Variants in NTNG2 observed in about 807,000 individuals in gnomAD.
NTNG2 encodes the protein netrin G2.
Under a neutral mutation model 47.6 loss-of-function variants are expected in NTNG2, and 15 were observed. The observed-to-expected ratio is 0.32, with a 90% CI of 0.21 to 0.49. NTNG2 has a LOEUF of 0.49. Among genes scored for constraint, NTNG2 ranks in the 20% least tolerant of loss-of-function variants. The pLI is 0.99. For synonymous variants in NTNG2, 307 were observed against 324.6 expected (o/e 0.95, Z 0.58); for missense variants, 578 against 764.6 (o/e 0.76, Z 2.88).
chr9:132,212,940 A>G (rs1315684642), intron 3 of NTNG2, among the ~76,000 whole-genome samples: 8 of 151,996 alleles, frequency 5.3e-5, no homozygotes, highest in Non-Finnish European at 1.0e-4. Flanking sequence ...AACCCCCCAA[A>G]GAAGACCAAG....
chr9:132,216,402 CTCTCTCTCTCTCTGTGTGTGTGTGTA>C (rs1340163556), intron 3 of NTNG2, among the ~76,000 whole-genome samples: 1 of 94,076 alleles, frequency 1.1e-5, no homozygotes, highest in African/African-American at 6.1e-5. Context: ...CTCTCTCTCT[CTCTCTCTCTCTCTGTGTGTGTGTGTA>C]TGTGTGTGTG....
rs577846884 is a variant in NTNG2 at position 132,242,278 on chromosome 9, C to A, written c.*167C>A. 40 of 202,744 alleles carry A rather than the reference C, an allele frequency of 2.0e-4. No individual in the cohort carries two copies. Among genetic ancestry groups the A allele is most frequent in the East Asian group, 1.4e-4 (1 of 6,988 alleles). The allele number at this position is 202,744 out of a possible 1,614,324, so 12.6% of individuals were successfully genotyped here. A position where few individuals can be genotyped will look rare whatever the true frequency, so the allele number is the denominator to read the frequency against. ...CCCGCGCTCCCGCCCGCACTGCCCT[C>A]CCCCCGCAGCAGGGGCGCCTTGGGA... On this transcript the variant is annotated 3_prime_UTR_variant, in exon 8 of 8. Coordinates refer to ENST00000393229, the MANE Select transcript of NTNG2 (RefSeq NM_032536.4). The surrounding 1 kb of genome is among the most constrained non-coding windows in gnomAD (Gnocchi z 5.9).
Position 132,198,157 on chromosome 9 carries a change from C to T in NTNG2, c.405C>T (p.Asp135=), listed in dbSNP as rs1564408290. ...LSWNKTVELT[D]DVVMTFEYGR... ...GGAACAAGACCGTGGAGCTGACCGA[C>T]GACGTGGTGATGACCTTCGAGTACG... The change falls in exon 3 of 8, where the codon GAC becomes GAT. Residue 135 remains aspartate, a synonymous_variant. Transcript: ENST00000393229. 3 of 1,613,708 alleles carry T rather than the reference C, an allele frequency of 1.9e-6. No individual in the cohort carries two copies. The highest frequency in any genetic ancestry group is 2.5e-6 in the Non-Finnish European group (3 of 1,180,018).
chr9:132,185,051 T>G (rs929373460), intron 2 of NTNG2, among the ~76,000 whole-genome samples: 26 of 151,536 alleles, frequency 1.7e-4, no homozygotes, highest in Non-Finnish European at 2.9e-4. Context: ...GGGAAGGGTG[T>G]CTGGCTGCAG....
Position 132,166,474 on chromosome 9 carries a change from A to G in NTNG2, c.-358A>G, listed in dbSNP as rs1366870901. 3 of 319,538 alleles carry G rather than the reference A, an allele frequency of 9.4e-6. No homozygotes were observed. The highest frequency in any genetic ancestry group is 6.3e-5 in the African/African-American group (3 of 47,442). The allele number at this position is 319,538 out of a possible 1,614,324, so 19.8% of individuals were successfully genotyped here. ...CCAGCCTCATGCAGGATCCCTGCGG[A>G]TTTTCTCCTTATCCCATTTCCATCC... On this transcript the variant is annotated 5_prime_UTR_variant, in exon 2 of 8. Coordinates refer to ENST00000393229, the MANE Select transcript of NTNG2 (RefSeq NM_032536.4).
intron 3 of NTNG2, among the ~76,000 whole-genome samples, chr9:132,205,552 G>A (rs1317184183): frequency 6.6e-6 from 1 of 152,208 alleles, no homozygotes; most frequent in Non-Finnish European, 1.5e-5. Flanking sequence ...GCACAGCACT[G>A]TGGATGTGCT....
At chr9:132,171,461 T>C (rs940180111) in intron 2 of NTNG2, among the ~76,000 whole-genome samples, 2 of 152,192 alleles carry the variant, frequency 1.3e-5, no homozygotes, top group African/African-American at 4.8e-5. Context: ...TACATTGACA[T>C]GGGTGAACAT....
chr9:132,222,610 G>A (rs12352564), intron 3 of NTNG2, among the ~76,000 whole-genome samples: 18,658 of 152,124 alleles, frequency 0.12, 1,248 homozygotes, highest in Middle Eastern at 0.22. Flanking sequence ...TTCCAGAGAC[G>A]TCCTTCGTCC....
Position 132,162,582 on chromosome 9 carries a change from G to GTGTT in NTNG2, c.-484+346_-484+347insTTGT, listed in dbSNP as rs1835143323. ...AGAGAGAGACAGAGTGTGTGTGTGT[G>GTGTT]TGTGTGTGTGTGTGTGTGTGTGTGT... is the stretch of plus-strand genomic sequence containing the variant. On this transcript the variant is annotated intron_variant, in intron 1 of 7. Transcript: ENST00000393229. The surrounding 1 kb of genome is among the most constrained non-coding windows in gnomAD (Gnocchi z 4.6). Among the ~76,000 whole-genome samples, 1 of 102,574 alleles carries GTGTT rather than the reference G, an allele frequency of 9.7e-6. No individual in the cohort carries two copies. Among genetic ancestry groups the GTGTT allele is most frequent in the Non-Finnish European group, 2.2e-5 (1 of 45,726 alleles). 67.3% of individuals were successfully genotyped at this position (102,574 alleles called of 152,430 possible).
intron 2 of NTNG2, among the ~76,000 whole-genome samples, chr9:132,176,340 T>C (rs1240854786): frequency 6.6e-6 from 1 of 152,216 alleles, no homozygotes; most frequent in African/African-American, 2.4e-5. Flanking sequence ...CACCCGTTAG[T>C]TACTCCCCAT....
rs548035391 is a variant in NTNG2 at position 132,208,432 on chromosome 9, G to A, written c.857+9823G>A. Among the ~76,000 whole-genome samples, 4 of 152,164 alleles carry A rather than the reference G, an allele frequency of 2.6e-5. No homozygotes were observed. Among genetic ancestry groups the A allele is most frequent in the Admixed American group, 1.3e-4 (2 of 15,272 alleles). On this transcript the variant is annotated intron_variant, in intron 3 of 7. Coordinates refer to ENST00000393229, the MANE Select transcript of NTNG2 (RefSeq NM_032536.4). The surrounding 1 kb of genome is among the most constrained non-coding windows in gnomAD (Gnocchi z 4.0). ...AGGGGAGAGGTGTGATCTGATTTCCGGTGTTTGGAAATCTGAGTTGGGGGT... is the reference window on the plus strand; with the variant it reads ...AGGGGAGAGGTGTGATCTGATTTCCAGTGTTTGGAAATCTGAGTTGGGGGT...
At position 132,215,059 on chromosome 9, in the gene NTNG2, T is replaced by A. The variant is rs7026823; in HGVS notation, c.858-11790T>A. Among the ~76,000 whole-genome samples, 75,244 of 145,702 alleles carry A rather than the reference T, an allele frequency of 0.52. 19,318 individuals are homozygous for A. The highest frequency in any genetic ancestry group is 0.57 in the South Asian group (2,604 of 4,534). Reference sequence around the variant, plus strand: ...GCCCTGATAAATTTTGTGTTTTTTTTAATTTTTTTGTAGAGATTGGGGGGG... The same window carrying A: ...GCCCTGATAAATTTTGTGTTTTTTTAAATTTTTTTGTAGAGATTGGGGGGG... On this transcript the variant is annotated intron_variant, in intron 3 of 7. Coordinates refer to ENST00000393229, the MANE Select transcript of NTNG2 (RefSeq NM_032536.4). The surrounding 1 kb of genome is among the most constrained non-coding windows in gnomAD (Gnocchi z 4.2).
intron 2 of NTNG2, among the ~76,000 whole-genome samples, chr9:132,175,512 T>G (rs531212011): frequency 1.3e-5 from 2 of 152,200 alleles, no homozygotes; most frequent in South Asian, 4.1e-4. Context: ...TGGCCAGCAC[T>G]GATGCAGGGC....
chr9:132,217,806 C>T (rs900626319), intron 3 of NTNG2, among the ~76,000 whole-genome samples: 2 of 152,220 alleles, frequency 1.3e-5, no homozygotes, highest in Admixed American at 6.5e-5. Context: ...CCTGAGGTCA[C>T]ACAGTCGTTG....
chr9:132,225,054 G>A (rs1009144443), intron 3 of NTNG2, among the ~76,000 whole-genome samples: 23 of 151,778 alleles, frequency 1.5e-4, no homozygotes, highest in Non-Finnish European at 8.8e-5. Context: ...CCAGTAGCTG[G>A]GATTACAGGT....
At chr9:132,195,350 C>T (rs1473959315) in intron 2 of NTNG2, among the ~76,000 whole-genome samples, 1 of 152,130 alleles carries the variant, frequency 6.6e-6, no homozygotes. Flanking sequence ...GCTCTGTCGC[C>T]CAGGCTGGAG....
chr9:132,196,179 T>C (rs924851735), intron 2 of NTNG2, among the ~76,000 whole-genome samples: 1 of 151,936 alleles, frequency 6.6e-6, no homozygotes, highest in Non-Finnish European at 1.5e-5. Context: ...TTTGTTTTGT[T>C]TTGTTTTTGT....
At chr9:132,234,294 C>T (rs1027905011) in intron 5 of NTNG2, among the ~76,000 whole-genome samples, 2 of 152,238 alleles carry the variant, frequency 1.3e-5, no homozygotes, top group Admixed American at 6.5e-5. Context: ...TCCCAAAGTG[C>T]TGGGATTCCA....
chr9:132,171,266 A>G (rs1835895899), intron 2 of NTNG2, among the ~76,000 whole-genome samples: 1 of 152,044 alleles, frequency 6.6e-6, no homozygotes, highest in Non-Finnish European at 1.5e-5. Flanking sequence ...CAAATTCTCC[A>G]AGCCTCAGTT....
Sources: gnomAD v4.1 joint callset for allele counts (sites outside exome capture counted in the v4.1 genomes callset) on GRCh38, gnomAD v4.1.1 for gene constraint, Gnocchi (gnomAD v3.1) non-coding constraint, MANE v1.5 for transcripts, NCBI Gene and HGNC (gene_info 2026-07-23, HGNC 2026-07-21) for gene names.